CTNNA2: variants seen among roughly 807,000 people sequenced by gnomAD.
CTNNA2 encodes catenin alpha-2.
Under a neutral mutation model 101.0 loss-of-function variants are expected in CTNNA2, and 42 were observed. That is an observed-to-expected ratio of 0.42 (90% CI 0.32 to 0.54). The LOEUF (loss-of-function observed/expected upper bound fraction) is 0.54. Among genes scored for constraint, CTNNA2 ranks in the 20% least tolerant of loss-of-function variants. The pLI, the probability that CTNNA2 is intolerant of heterozygous loss-of-function variation, is 0.14. For synonymous variants in CTNNA2, 450 were observed against 456.4 expected, an observed-to-expected ratio of 0.99 and a Z score of 0.18; for missense variants, 871 against 1,223.1, an observed-to-expected ratio of 0.71 and a Z score of 4.29.
At chr2:80,244,345 T>C (rs1477195269) in intron 7 of CTNNA2, among the ~76,000 whole-genome samples, 2 of 152,208 alleles carry the variant, frequency 1.3e-5, no homozygotes, top group Non-Finnish European at 2.9e-5. Flanking sequence ...AAGAGAAAAG[T>C]GGTTCTGACC....
chr2:80,484,910 G>T (rs1363817973), intron 9 of CTNNA2, among the ~76,000 whole-genome samples: 2 of 152,100 alleles, frequency 1.3e-5, no homozygotes, highest in Admixed American at 1.3e-4. Context: ...GGAGGCTGAG[G>T]CAGGAGAATG....
chr2:79,315,206 C>G (rs551496403), intron 3 of CTNNA2, among the ~76,000 whole-genome samples: 1 of 152,044 alleles, frequency 6.6e-6, no homozygotes, highest in Non-Finnish European at 1.5e-5. Flanking sequence ...CTATTTATTT[C>G]TTGACTTATT....
intron 7 of CTNNA2, among the ~76,000 whole-genome samples, chr2:79,941,705 A>T (rs1688177196): frequency 6.6e-6 from 1 of 152,044 alleles, no homozygotes; most frequent in Non-Finnish European, 1.5e-5. Context: ...TGCAACCTCC[A>T]CCTCCCAAGT....
At chr2:80,288,628 C>G (rs1243163110) in intron 7 of CTNNA2, 3 of 152,220 alleles carry the variant, frequency 2.0e-5, no homozygotes, top group African/African-American at 7.2e-5. Context: ...ATTCTTCAGC[C>G]TGTTTCCAGA....
At chr2:80,584,371 T>C (rs1296667669) in intron 14 of CTNNA2, among the ~76,000 whole-genome samples, 1 of 149,866 alleles carries the variant, frequency 6.7e-6, no homozygotes, top group East Asian at 2.0e-4. Context: ...ATTTCAAAAA[T>C]GTCCTTTATA....
At chr2:79,606,600 C>G (rs1677911601) in intron 1 of CTNNA2, among the ~76,000 whole-genome samples, 1 of 152,102 alleles carries the variant, frequency 6.6e-6, no homozygotes, top group Non-Finnish European at 1.5e-5. Flanking sequence ...ATAATAACAT[C>G]ATGGTATAGA....
intron 2 of CTNNA2, among the ~76,000 whole-genome samples, chr2:79,708,927 C>CA (rs1685563117): frequency 6.6e-6 from 1 of 152,160 alleles, no homozygotes. Context: ...TAACCTTGTA[C>CA]AAAATCGTCT....
At chr2:79,704,483 A>G (rs1382205605) in intron 2 of CTNNA2, among the ~76,000 whole-genome samples, 1 of 148,414 alleles carries the variant, frequency 6.7e-6, no homozygotes, top group African/African-American at 2.5e-5. Flanking sequence ...CGTCTGGCAT[A>G]TGTTCTGAGC....
chr2:79,998,262 G>A (rs894997509), intron 7 of CTNNA2, among the ~76,000 whole-genome samples: 2 of 152,166 alleles, frequency 1.3e-5, no homozygotes, highest in African/African-American at 2.4e-5. Context: ...TCTGTTGCCT[G>A]TTCTATTCAG....
chr2:79,192,595 G>C (rs1313515262), intron 1 of CTNNA2, among the ~76,000 whole-genome samples: 1 of 152,134 alleles, frequency 6.6e-6, no homozygotes, highest in Non-Finnish European at 1.5e-5. Flanking sequence ...CAAAATATAA[G>C]ACATGCGAAT....
chr2:80,117,318 C>G (rs1297929169), intron 7 of CTNNA2, among the ~76,000 whole-genome samples: 1 of 152,110 alleles, frequency 6.6e-6, no homozygotes, highest in African/African-American at 2.4e-5. Flanking sequence ...ACCTCAAGGG[C>G]ACATAGTTTA....
intron 3 of CTNNA2, among the ~76,000 whole-genome samples, chr2:79,349,831 A>G (rs1373933171): frequency 6.6e-6 from 1 of 152,166 alleles, no homozygotes; most frequent in Non-Finnish European, 1.5e-5. Flanking sequence ...AATAGTCTGC[A>G]TATTGCTTTT....
intron 3 of CTNNA2, among the ~76,000 whole-genome samples, chr2:79,786,362 T>C (rs887796802): frequency 1.2e-4 from 18 of 152,098 alleles, no homozygotes; most frequent in Non-Finnish European, 1.3e-4. Context: ...AAAATGACCT[T>C]TTTCCCCCAA....
chr2:79,265,868 G>T (rs938929928), intron 2 of CTNNA2, among the ~76,000 whole-genome samples: 1 of 152,096 alleles, frequency 6.6e-6, no homozygotes, highest in Non-Finnish European at 1.5e-5. Context: ...ATTAGAATAG[G>T]TGCATGTATA....
In CTNNA2 at chr2:79,958,883, A is replaced by G. The variant is rs551546330; in HGVS notation, c.1056+49086A>G. 7.2e-5 allele frequency among the ~76,000 whole-genome samples: 11 copies of G among 152,046 alleles called. No homozygotes were observed. In the East Asian group the frequency reaches 2.1e-3, roughly 29 times the overall value. ...TTAAGTGTCTGTTGAGGATTCATTCATTCCTAAATTTGTTCTGCATGGTAA... is the reference window on the plus strand; with the variant it reads ...TTAAGTGTCTGTTGAGGATTCATTCGTTCCTAAATTTGTTCTGCATGGTAA... On this transcript the variant is annotated intron_variant, in intron 7 of 18. Coordinates refer to ENST00000402739, the MANE Select transcript of CTNNA2 (RefSeq NM_001282597.3).
At chr2:79,727,667 C>G (rs13011063) in intron 2 of CTNNA2, among the ~76,000 whole-genome samples, 46,503 of 149,674 alleles carry the variant, frequency 0.31, 7,709 homozygotes, top group African/African-American at 0.44. Context: ...ATGCTGGTGT[C>G]CTGCACCCAT....
At chr2:79,334,350 C>G (rs1389052627) in intron 3 of CTNNA2, among the ~76,000 whole-genome samples, 1 of 151,804 alleles carries the variant, frequency 6.6e-6, no homozygotes, top group African/African-American at 2.4e-5. Context: ...AACAGCATAG[C>G]TTTTTTTCTG....
chr2:80,131,113 A>G (rs1465669481), intron 7 of CTNNA2, among the ~76,000 whole-genome samples: 1 of 152,106 alleles, frequency 6.6e-6, no homozygotes, highest in Admixed American at 6.6e-5. Flanking sequence ...GTTGGAGTGC[A>G]GTGGCGTAAT....
intron 7 of CTNNA2, among the ~76,000 whole-genome samples, chr2:80,306,400 T>TTTCTTTCTTTC (rs201581568): frequency 1.0e-3 from 113 of 109,264 alleles, no homozygotes; most frequent in East Asian, 1.6e-3. Flanking sequence ...TTTTCTTTTC[T>TTTCTTTCTTTC]TTTCTTTCTT....
Sources: allele counts gnomAD v4.1 joint callset (sites outside exome capture counted in the v4.1 genomes callset), GRCh38; gene constraint gnomAD v4.1.1; transcripts MANE v1.5; gene names NCBI Gene and HGNC (gene_info 2026-07-23, HGNC 2026-07-21).